The following ZDHHC13 variants were observed in gnomAD, a reference collection of about 807,000 sequenced individuals.
ZDHHC13 encodes palmitoyltransferase ZDHHC13.
A neutral mutation model predicts 86.0 loss-of-function variants in ZDHHC13; 85 were observed. The ratio of observed to expected loss-of-function variants is 0.99; its 90% CI spans 0.83 to 1.18. The LOEUF is 1.18. Ranked by LOEUF, ZDHHC13 falls within the 50% of genes most tolerant of loss-of-function variation. The pLI is 0.00. For synonymous variants in ZDHHC13, 263 were observed against 246.4 expected, an observed-to-expected ratio of 1.07 and a Z score of -0.63; for missense variants, 711 against 730.2, an observed-to-expected ratio of 0.97 and a Z score of 0.30.
chr11:19,159,871 A>G (rs1424253189), intron 10 of ZDHHC13, among the ~76,000 whole-genome samples: 5 of 151,676 alleles, frequency 3.3e-5, no homozygotes, highest in Non-Finnish European at 7.4e-5. Context: ...CAATCTTCCC[A>G]CCTCTTGCCA....
intron 1 of ZDHHC13, among the ~76,000 whole-genome samples, chr11:19,135,096 G>A (rs566803064): frequency 6.6e-6 from 1 of 152,284 alleles, no homozygotes; most frequent in East Asian, 1.9e-4. Context: ...GAACAGCTCT[G>A]GTCTACAGCT....
intron 13 of ZDHHC13, among the ~76,000 whole-genome samples, chr11:19,166,092 G>A (rs1407106614): frequency 6.6e-6 from 1 of 152,162 alleles, no homozygotes; most frequent in Non-Finnish European, 1.5e-5. Context: ...AGTAAGCAAT[G>A]AATAAATATT....
rs763710340 is a variant in ZDHHC13 at position 19,152,670 on chromosome 11, C to T, written c.859C>T (p.Leu287=). ...CCAAAAGTTCAGACTTTGGAGGTGG[C>T]TGCAGAAATGCGAGGTATTTTCATA... The part of the protein sequence containing the change: ...ANQKFRLWRW[L]QKCELFLLLM... The change falls in exon 8 of 17, where the codon CTG becomes TTG. Residue 287 remains leucine (L), a synonymous_variant. Coordinates refer to ENST00000446113, the MANE Select transcript of ZDHHC13 (RefSeq NM_019028.3). 33 of 1,613,210 alleles carry T rather than the reference C, an allele frequency of 2.0e-5. No individual in the cohort carries two copies. The highest frequency in any genetic ancestry group is 2.5e-5 in the Non-Finnish European group (30 of 1,179,356).
chr11:19,171,060 C>A (rs764431939), intron 15 of ZDHHC13, among the ~76,000 whole-genome samples: 1 of 152,118 alleles, frequency 6.6e-6, no homozygotes, highest in South Asian at 2.1e-4. Flanking sequence ...GTTTTTCCAG[C>A]GCTGTTTGTT....
chr11:19,164,663 C>T, intron 12 of ZDHHC13: 1 of 431,502 alleles, frequency 2.3e-6, no homozygotes, highest in Non-Finnish European at 4.2e-6. Context: ...CTCATAATGA[C>T]CTTAGAAACC....
At chr11:19,147,771 T>TCCC (rs1565030945) in intron 4 of ZDHHC13, 98 bp downstream of exon 4, 2 of 527,136 alleles carry the variant, frequency 3.8e-6, no homozygotes, top group Non-Finnish European at 5.8e-6. Context: ...CTGTCTTTTC[T>TCCC]TCCCCCCCCC....
At chr11:19,164,971 TA>T in intron 12 of ZDHHC13, 80 bp from the exon 13 acceptor site, 1 of 1,244,186 alleles carries the variant, frequency 8.0e-7, no homozygotes, top group Non-Finnish European at 1.2e-6. Context: ...CTCTGTGACC[TA>T]AAGTTAAAAT....
chr11:19,135,085 G>C (rs1460763690), intron 1 of ZDHHC13, among the ~76,000 whole-genome samples: 1 of 152,172 alleles, frequency 6.6e-6, no homozygotes, highest in Non-Finnish European at 1.5e-5. Context: ...TGGCCGAATA[G>C]GAACAGCTCT....
Position 19,166,302 on chromosome 11 carries a change from G to GT in ZDHHC13, c.1395dup (p.Gly466TrpfsTer89), listed in dbSNP as rs781735414. On this transcript the variant is annotated frameshift_variant and splice_region_variant, in exon 14 of 17. Transcript: ENST00000446113. LOFTEE classifies it high-confidence loss of function. ...TATGTTTTTTTTCTTTTTTCTTGAG[G>GT]TTTTGGCAACCATCACTATTACATA... 11 of 1,607,068 alleles carry GT rather than the reference G, an allele frequency of 6.8e-6. No homozygotes were observed. Among genetic ancestry groups the GT allele is most frequent in the Non-Finnish European group, 9.3e-6 (11 of 1,178,096 alleles).
chr11:19,166,458 A>G, intron 14 of ZDHHC13, 73 bp downstream of exon 14: 1 of 1,228,884 alleles, frequency 8.1e-7, no homozygotes. Flanking sequence ...AAACCCTTGT[A>G]TATCACATTC....
chr11:19,140,793 A>G (rs550902019), intron 1 of ZDHHC13, among the ~76,000 whole-genome samples: 26 of 152,112 alleles, frequency 1.7e-4, no homozygotes, highest in African/African-American at 6.0e-4. Flanking sequence ...GGAAATCATC[A>G]TTCTCAGTAA....
intron 4 of ZDHHC13, among the ~76,000 whole-genome samples, 154 bp downstream of exon 4, chr11:19,147,827 G>A (rs1396991586): frequency 6.9e-6 from 1 of 144,926 alleles, no homozygotes; most frequent in African/African-American, 2.5e-5. Flanking sequence ...TTGCAGAAAG[G>A]ATGTTTTCGA....
chr11:19,144,126 T>C (rs560791461), intron 2 of ZDHHC13, among the ~76,000 whole-genome samples: 51 of 152,332 alleles, frequency 3.3e-4, no homozygotes, highest in African/African-American at 1.2e-3. Context: ...ATATTAACTC[T>C]AGAGGCCTTG....
intron 15 of ZDHHC13, 140 bp from the exon 16 acceptor site, chr11:19,172,583 C>A: frequency 1.8e-6 from 1 of 563,268 alleles, no homozygotes; most frequent in South Asian, 3.0e-5. Flanking sequence ...TTCTGATTAA[C>A]TTTTTCTTTG....
intron 1 of ZDHHC13, among the ~76,000 whole-genome samples, chr11:19,136,679 G>A (rs1487243450): frequency 6.6e-6 from 1 of 151,932 alleles, no homozygotes; most frequent in Non-Finnish European, 1.5e-5. Context: ...GAAAGGTCGG[G>A]TTACCCACAA....
chr11:19,166,531 C>T (rs140354213), intron 14 of ZDHHC13, 146 bp downstream of exon 14: 1 of 557,448 alleles, frequency 1.8e-6, no homozygotes, highest in Non-Finnish European at 3.0e-6. Flanking sequence ...AAGACTCCCT[C>T]AGCATTGGGA....
chr11:19,160,170 TG>T (rs1273524097), intron 10 of ZDHHC13, among the ~76,000 whole-genome samples: 1 of 152,048 alleles, frequency 6.6e-6, no homozygotes, highest in Non-Finnish European at 1.5e-5. Flanking sequence ...CATTATAGCA[TG>T]TTTTTCCTTT....
chr11:19,156,079 G>A lies in ZDHHC13; in HGVS notation c.1007+150G>A, dbSNP rs1849750216. The A allele has an allele frequency of 6.0e-6, 6 of 1,005,006 alleles. No individual in the cohort carries two copies. In the South Asian group the frequency reaches 6.4e-5, roughly 11 times the overall value. The allele number at this position is 1,005,006 out of a possible 1,614,324, so 62.3% of individuals were successfully genotyped here. ...ATCCTGCGGGTGGATGGGAGGAAAG[G>A]GCTCTGGTAGCATATTATTTGGCTG... is the stretch of plus-strand genomic sequence containing the variant. On this transcript the variant is annotated intron_variant, in intron 9 of 16. Transcript: ENST00000446113.
chr11:19,137,032 C>T (rs1378849214), intron 1 of ZDHHC13, among the ~76,000 whole-genome samples: 2 of 151,596 alleles, frequency 1.3e-5, no homozygotes, highest in Admixed American at 1.3e-4. Context: ...AACCAGCTAA[C>T]ATCATAATGA....
Sources: gnomAD v4.1 joint callset for allele counts (sites outside exome capture counted in the v4.1 genomes callset) on GRCh38, gnomAD v4.1.1 for gene constraint, MANE v1.5 for transcripts, NCBI Gene and HGNC (gene_info 2026-07-23, HGNC 2026-07-21) for gene names.